The following IQCM variants were observed in gnomAD, a reference collection of about 807,000 sequenced individuals.
IQCM encodes IQ domain-containing protein M.
Under a neutral mutation model 57.6 loss-of-function variants are expected in IQCM, and 45 were observed. The ratio of observed to expected loss-of-function variants is 0.78; its 90% CI spans 0.62 to 1.00. IQCM has a LOEUF of 1.00. Ranked by LOEUF, IQCM falls within the 50% of genes least tolerant of loss-of-function variation. The pLI is 0.00. For synonymous variants in IQCM, 148 were observed against 158.9 expected, an observed-to-expected ratio of 0.93 and a Z score of 0.51; for missense variants, 468 against 511.6, an observed-to-expected ratio of 0.91 and a Z score of 0.82.
chr4:149,709,423 T>G (rs1269714669), intron 5 of IQCM, among the ~76,000 whole-genome samples: 1 of 152,150 alleles, frequency 6.6e-6, no homozygotes, highest in East Asian at 1.9e-4. Context: ...TCTGCTTTTC[T>G]GTATGAGCAT....
chr4:149,538,284 C>T (rs10019047), intron 12 of IQCM, among the ~76,000 whole-genome samples: 111,203 of 151,450 alleles, frequency 0.73, 41,220 homozygotes, highest in African/African-American at 0.81. Context: ...AAAGTGACTA[C>T]GTTTAACTGG....
At chr4:149,525,228 T>A (rs1746039066) in intron 12 of IQCM, among the ~76,000 whole-genome samples, 1 of 151,898 alleles carries the variant, frequency 6.6e-6, no homozygotes, top group Admixed American at 6.6e-5. Context: ...TGAAAGTAGA[T>A]GAAACATTCT....
At chr4:149,574,802 C>T (rs1751484617) in intron 9 of IQCM, among the ~76,000 whole-genome samples, 1 of 151,930 alleles carries the variant, frequency 6.6e-6, no homozygotes, top group African/African-American at 2.4e-5. Context: ...TATAAAAGCA[C>T]TATTTGCCCA....
At chr4:149,610,584 C>G (rs2150051848) in intron 8 of IQCM, among the ~76,000 whole-genome samples, 1 of 151,932 alleles carries the variant, frequency 6.6e-6, no homozygotes, top group Non-Finnish European at 1.5e-5. Flanking sequence ...ACAGTAAACT[C>G]ATTTTCAACA....
chr4:149,597,665 A>G (rs1008890961), intron 8 of IQCM, among the ~76,000 whole-genome samples: 2 of 152,212 alleles, frequency 1.3e-5, no homozygotes, highest in Non-Finnish European at 2.9e-5. Flanking sequence ...TGCTAGGATT[A>G]CAGGTGTGAG....
chr4:149,453,118 A>G (rs990226876), intron 12 of IQCM, among the ~76,000 whole-genome samples: 1 of 151,632 alleles, frequency 6.6e-6, no homozygotes, highest in Non-Finnish European at 1.5e-5. Context: ...CTTAAGAAAC[A>G]AAGTGTGAGA....
chr4:149,408,539 T>A (rs553286148), intron 13 of IQCM, among the ~76,000 whole-genome samples: 1 of 152,154 alleles, frequency 6.6e-6, no homozygotes, highest in African/African-American at 2.4e-5. Flanking sequence ...GCTTTAGCAG[T>A]CACTCAATCC....
intron 7 of IQCM, among the ~76,000 whole-genome samples, chr4:149,643,011 T>A (rs896335431): frequency 2.7e-5 from 4 of 150,702 alleles, no homozygotes; most frequent in Non-Finnish European, 4.4e-5. Context: ...TGACCTTTTT[T>A]AAATTTTTTA....
chr4:149,397,734 G>A (rs1206972448), intron 13 of IQCM, among the ~76,000 whole-genome samples: 1 of 151,808 alleles, frequency 6.6e-6, no homozygotes, highest in Non-Finnish European at 1.5e-5. Context: ...AAAGTTTTTA[G>A]CCCATTTTTA....
intron 8 of IQCM, among the ~76,000 whole-genome samples, chr4:149,611,983 A>T (rs925862588): frequency 6.6e-6 from 1 of 152,096 alleles, no homozygotes; most frequent in African/African-American, 2.4e-5. Context: ...TTTATAAAGA[A>T]AAGAGGTTTA....
intron 13 of IQCM, among the ~76,000 whole-genome samples, chr4:149,373,569 T>C (rs946254010): frequency 4.6e-5 from 7 of 152,152 alleles, no homozygotes; most frequent in African/African-American, 1.7e-4. Flanking sequence ...CAGACTATAA[T>C]TTTGTCTATT....
intron 2 of IQCM, among the ~76,000 whole-genome samples, chr4:149,788,778 A>T (rs1222040886): frequency 6.6e-6 from 1 of 152,256 alleles, no homozygotes; most frequent in Non-Finnish European, 1.5e-5. Flanking sequence ...GATAAATAAA[A>T]TGTGGTATAT....
intron 7 of IQCM, among the ~76,000 whole-genome samples, chr4:149,681,591 T>A (rs1762181309): frequency 6.6e-6 from 1 of 151,134 alleles, no homozygotes; most frequent in Non-Finnish European, 1.5e-5. Context: ...TTTAAAAATT[T>A]CTTCTGAAAT....
chr4:149,691,128 G>T (rs1762912842), intron 5 of IQCM: 1 of 152,120 alleles, frequency 6.6e-6, no homozygotes, highest in Non-Finnish European at 1.5e-5. Flanking sequence ...TATGCCAAAT[G>T]TGCTAATTGC....
At chr4:149,362,997 C>A (rs1299513868) in intron 13 of IQCM, among the ~76,000 whole-genome samples, 1 of 152,202 alleles carries the variant, frequency 6.6e-6, no homozygotes, top group South Asian at 2.1e-4. Context: ...TTTCCACTCT[C>A]TTCTTCCTCA....
At chr4:149,741,573 A>G (rs2149908339) in intron 3 of IQCM, among the ~76,000 whole-genome samples, 1 of 152,264 alleles carries the variant, frequency 6.6e-6, no homozygotes, top group African/African-American at 2.4e-5. Flanking sequence ...AGTGATCATC[A>G]CAGAGCTCTA....
chr4:149,708,878 T>C (rs1764352629), intron 5 of IQCM, among the ~76,000 whole-genome samples: 1 of 152,090 alleles, frequency 6.6e-6, no homozygotes, highest in African/African-American at 2.4e-5. Context: ...CTACATAAAC[T>C]TGCCAATGGT....
chr4:149,746,484 G>A (rs1168794234), intron 2 of IQCM, among the ~76,000 whole-genome samples: 1 of 152,176 alleles, frequency 6.6e-6, no homozygotes, highest in Non-Finnish European at 1.5e-5. Flanking sequence ...CACAGCAGGA[G>A]TGATCTTAAT....
chr4:149,784,549 G>A (rs367716306), intron 2 of IQCM, among the ~76,000 whole-genome samples: 1 of 152,120 alleles, frequency 6.6e-6, no homozygotes, highest in Non-Finnish European at 1.5e-5. Flanking sequence ...CCGAGTAGCT[G>A]GGACTACAGG....
Sources: gnomAD v4.1 joint callset for allele counts (sites outside exome capture counted in the v4.1 genomes callset) on GRCh38, gnomAD v4.1.1 for gene constraint, MANE v1.5 for transcripts, NCBI Gene and HGNC (gene_info 2026-07-23, HGNC 2026-07-21) for gene names.